Variants in BRME1 observed in about 807,000 individuals in gnomAD.
BRME1 encodes the protein BRCA2 and MEILB2-associating protein 1.
BRME1 carries 31 observed loss-of-function variants against 52.6 expected under a neutral mutation model. That is an observed-to-expected ratio of 0.59 (90% CI 0.44 to 0.80). BRME1 has a LOEUF of 0.80. BRME1 is among the 30% of genes least tolerant of loss of function. The pLI is 0.00. For missense variants in BRME1, 804 were observed against 860.3 expected, an observed-to-expected ratio of 0.93 and a Z score of 0.82; for synonymous variants, 359 against 353.6, an observed-to-expected ratio of 1.02 and a Z score of -0.17.
intron 2 of BRME1, among the ~76,000 whole-genome samples, chr19:13,900,927 G>A (rs749386750): frequency 1.3e-5 from 2 of 151,792 alleles, no homozygotes; most frequent in African/African-American, 2.4e-5. Context: ...CACCTGCCTC[G>A]GCCTCCCAAA....
At chr19:13,890,512 C>T in intron 5 of BRME1, 50 bp from the exon 6 acceptor site, 1 of 1,430,176 alleles carries the variant, frequency 7.0e-7, no homozygotes, top group Non-Finnish European at 9.1e-7. Context: ...ACCAAGTTCT[C>T]CGAAGAGTTT....
At chr19:13,902,567 C>T (rs1051736495) in intron 2 of BRME1, among the ~76,000 whole-genome samples, 7 of 150,322 alleles carry the variant, frequency 4.7e-5, no homozygotes, top group African/African-American at 1.7e-4. Flanking sequence ...ATCTAGGAGG[C>T]AGAGGTTGCG....
chr19:13,883,427 G>A lies in BRME1; in HGVS notation c.1764-27C>T, dbSNP rs933242137. The A allele has an allele frequency of 8.0e-5, 121 of 1,503,150 alleles. No individual in the cohort carries two copies. Among genetic ancestry groups the A allele is most frequent in the Non-Finnish European group, 1.0e-4 (113 of 1,117,802 alleles). The allele number at this position is 1,503,150 out of a possible 1,614,324, so 93.1% of individuals were successfully genotyped here. On this transcript the variant is annotated intron_variant, in intron 7 of 8. Coordinates refer to ENST00000586783, the MANE Select transcript of BRME1 (RefSeq NM_001345843.2). The surrounding 1 kb of genome is among the most constrained non-coding windows in gnomAD (Gnocchi z 4.2). ...TGGCCAGCAGGGAAGGAAATTGAGA[G>A]TGGCCCGACCTCACTGGACTACCAG... is the stretch of plus-strand genomic sequence containing the variant.
At chr19:13,901,728 T>A (rs557907963) in intron 2 of BRME1, among the ~76,000 whole-genome samples, 2 of 148,490 alleles carry the variant, frequency 1.3e-5, no homozygotes, top group Admixed American at 1.3e-4. Flanking sequence ...AGCTCAACAC[T>A]GTATCTGTAT....
chr19:13,904,790 G>GCAA, intron 2 of BRME1, 72 bp downstream of exon 2: 1 of 1,489,624 alleles, frequency 6.7e-7, no homozygotes, highest in African/African-American at 1.4e-5. Context: ...AGCCAGATCT[G>GCAA]CAATAAACAA....
In BRME1 at chr19:13,892,827, CTTCTT is replaced by C. The variant is rs1969601175; in HGVS notation, c.347_351del (p.Lys116ArgfsTer5). 1.2e-6 allele frequency: 2 copies of C among 1,614,218 alleles called. No individual in the cohort carries two copies. Among genetic ancestry groups the C allele is most frequent in the Non-Finnish European group, 1.7e-6 (2 of 1,180,014 alleles). On this transcript the variant is annotated frameshift_variant, in exon 5 of 9. Coordinates refer to ENST00000586783, the MANE Select transcript of BRME1 (RefSeq NM_001345843.2). LOFTEE classifies it high-confidence loss of function. ...CTCCCACGGTCCTCATCCTTCATCT[CTTCTT>C]TTCTTGTCACTGTCTTCCTGGATTT...
At chr19:13,899,235 G>A (rs957804026) in intron 2 of BRME1, among the ~76,000 whole-genome samples, 2 of 148,172 alleles carry the variant, frequency 1.3e-5, no homozygotes, top group Non-Finnish European at 3.0e-5. Flanking sequence ...TGTAACCTCT[G>A]CCTCCTGGGT....
chr19:13,882,859 G>A lies in BRME1; in HGVS notation c.1950C>T (p.Tyr650=). The A allele has an allele frequency of 6.2e-7, 1 of 1,614,024 alleles. No individual in the cohort carries two copies. Among genetic ancestry groups the A allele is most frequent in the South Asian group, 1.1e-5 (1 of 91,078 alleles). ...TKLGGKAPLP[Y]PSKGPGNIPR... ...GGATATTCCCAGGCCCCTTGGAAGG[G>A]TAAGGCAGGGGGGCTTTGCCTCCCA... The change falls in exon 9 of 9, where the codon TAC becomes TAT. Residue 650 remains tyrosine, a synonymous_variant. Transcript: ENST00000586783.
rs542685363 is a variant in BRME1, at chr19:13,896,134, G to C, written c.32-588C>G. Reference sequence around the variant, plus strand: ...AAAATACAAAAATTAGCCGGGCATGGTGGCACCCACCTATAGTCCCAGCTA... The same window carrying C: ...AAAATACAAAAATTAGCCGGGCATGCTGGCACCCACCTATAGTCCCAGCTA... On this transcript the variant is annotated intron_variant, in intron 2 of 8. Transcript: ENST00000586783. Among the ~76,000 whole-genome samples, 98 of 152,168 alleles carry C rather than the reference G, an allele frequency of 6.4e-4. 5 individuals carry two copies. The South Asian group carries it at 0.019, about 30-fold the overall frequency.
intron 2 of BRME1, among the ~76,000 whole-genome samples, chr19:13,904,167 C>G (rs979498077): frequency 2.0e-5 from 3 of 151,796 alleles, no homozygotes; most frequent in Non-Finnish European, 1.5e-5. Flanking sequence ...TGCAGTGGTA[C>G]GATCTGGATT....
chr19:13,882,485 G>T lies in BRME1; in HGVS notation c.*317C>A. 1 of 465,774 alleles carries T rather than the reference G, an allele frequency of 2.1e-6. No individual in the cohort carries two copies. 28.9% of individuals were successfully genotyped at this position (465,774 alleles called of 1,614,324 possible). On this transcript the variant is annotated 3_prime_UTR_variant, in exon 9 of 9. Coordinates refer to ENST00000586783, the MANE Select transcript of BRME1 (RefSeq NM_001345843.2). ...TCTGAACCATCCATACTTGGCTCAG[G>T]ACCCTAAAATTTGCAAATCCGGACA...
chr19:13,905,321 A>C (rs1970614307), intron 1 of BRME1, among the ~76,000 whole-genome samples: 1 of 151,970 alleles, frequency 6.6e-6, no homozygotes, highest in African/African-American at 2.4e-5. Context: ...AGCCTGGCCA[A>C]TATGGTGAAA....
intron 6 of BRME1, 77 bp from the exon 7 acceptor site, chr19:13,886,132 C>T: frequency 1.6e-6 from 2 of 1,289,950 alleles, no homozygotes; most frequent in Non-Finnish European, 1.1e-6. Flanking sequence ...AGAAGTCACG[C>T]TGATGCTTTT....
intron 2 of BRME1, among the ~76,000 whole-genome samples, chr19:13,904,450 T>C (rs1411545260): frequency 6.6e-6 from 1 of 151,660 alleles, no homozygotes; most frequent in Admixed American, 6.6e-5. Context: ...TTTGTCTTTT[T>C]CTTTTTTTTG....
chr19:13,888,657 T>C lies in BRME1; in HGVS notation c.1668+531A>G, dbSNP rs1969214743. Among the ~76,000 whole-genome samples, 1 of 152,248 alleles carries C rather than the reference T, an allele frequency of 6.6e-6. No individual in the cohort carries two copies. The highest frequency in any genetic ancestry group is 1.5e-5 in the Non-Finnish European group (1 of 68,046). ...AAGGAGGCAAAGCCCTTACACGTTC[T>C]GGCAGAAAAACAAAATGACTTATGT... On this transcript the variant is annotated intron_variant, in intron 6 of 8. Coordinates refer to ENST00000586783, the MANE Select transcript of BRME1 (RefSeq NM_001345843.2). The surrounding 1 kb of genome is among the most constrained non-coding windows in gnomAD (Gnocchi z 4.1).
intron 2 of BRME1, among the ~76,000 whole-genome samples, chr19:13,903,684 A>T (rs980065760): frequency 5.9e-5 from 9 of 151,776 alleles, no homozygotes; most frequent in South Asian, 2.1e-4. Context: ...AAAAAAAAAA[A>T]AAATAAAGTC....
At chr19:13,898,023 C>T (rs949212242) in intron 2 of BRME1, among the ~76,000 whole-genome samples, 1 of 151,652 alleles carries the variant, frequency 6.6e-6, no homozygotes, top group Non-Finnish European at 1.5e-5. Context: ...CGCTTGAATC[C>T]GGGGGGCTGA....
In BRME1 at chr19:13,889,393, A is replaced by G. The variant is rs200491827; in HGVS notation, c.1463T>C (p.Ile488Thr). ...GGGCTCCTGGAGAGGGTCGTCTGCT[A>G]TTTCTCTGTGTTCCAGCACAACAGA... ...QASVVLEHRE[I>T]ADDPLQEPGA... Residue 488 changes from isoleucine to threonine, a missense_variant, in exon 6 of 9, where the codon ATA becomes ACA. This residue lies in a region of BRME1 where 552 missense variants were observed against 561.1 expected (regional missense o/e 0.98). Transcript: ENST00000586783. The G allele has an allele frequency of 1.7e-4, 282 of 1,613,876 alleles. 1 individual carries two copies. Among genetic ancestry groups the G allele is most frequent in the East Asian group, 5.8e-4 (26 of 44,870 alleles).
In BRME1 at chr19:13,890,349, A is replaced by G; in HGVS notation, c.507T>C (p.Ser169=). 6.3e-7 allele frequency: 1 copy of G among 1,579,402 alleles called. No individual in the cohort carries two copies. The highest frequency in any genetic ancestry group is 1.2e-5 in the South Asian group (1 of 85,372). Residue 169 remains serine, a synonymous_variant, in exon 6 of 9, where the codon AGT becomes AGC. Coordinates refer to ENST00000586783, the MANE Select transcript of BRME1 (RefSeq NM_001345843.2). ...TELGDPTQAD[S]ARPEQSSQSP... ...TCTGGCTGCTCTGCTCAGGGCGGGCACTGTCTGCCTGCGTTGGGTCCCCCA... is the reference window on the plus strand; with the variant it reads ...TCTGGCTGCTCTGCTCAGGGCGGGCGCTGTCTGCCTGCGTTGGGTCCCCCA...
Sources: gnomAD v4.1 joint callset for allele counts (sites outside exome capture counted in the v4.1 genomes callset) on GRCh38, gnomAD v4.1.1 for gene constraint, gnomAD v4.1.1 regional missense constraint, Gnocchi (gnomAD v3.1) non-coding constraint, MANE v1.5 for transcripts, NCBI Gene and HGNC (gene_info 2026-07-23, HGNC 2026-07-21) for gene names.